Variants in MYCBP2 observed in about 807,000 individuals in gnomAD.
The protein encoded by MYCBP2 is MYC binding protein 2.
A neutral mutation model predicts 525.3 loss-of-function variants in MYCBP2; 120 were observed. That is an observed-to-expected ratio of 0.23 (90% confidence interval 0.20 to 0.27). The LOEUF (loss-of-function observed/expected upper bound fraction) is 0.27, where lower values mean the gene tolerates loss of function less well. Among genes scored for constraint, MYCBP2 ranks in the 10% least tolerant of loss-of-function variants. MYCBP2 has a pLI of 1.00. For synonymous variants in MYCBP2, 1,894 were observed against 1,955.8 expected, an observed-to-expected ratio of 0.97 and a Z score of 0.83; for missense variants, 4,149 against 5,657.1, an observed-to-expected ratio of 0.73 and a Z score of 8.55.
chr13:77,082,128 G>A, intron 63 of MYCBP2, 135 bp from the exon 64 acceptor site: 4 of 743,560 alleles, frequency 5.4e-6, no homozygotes, highest in East Asian at 2.9e-5. Flanking sequence ...TAAAAATTCA[G>A]GGAAGAAAAT....
rs572287484 is a variant in MYCBP2 at position 77,312,235 on chromosome 13, G to C, written c.302+14239C>G. On this transcript the variant is annotated intron_variant, in intron 1 of 82. Transcript: ENST00000544440. Reference sequence around the variant, plus strand: ...CCCAGCAGACTGATCTGCTAGAAAAGCTAAGGTCAACATTAGGCTGAAAGG... The same window carrying C: ...CCCAGCAGACTGATCTGCTAGAAAACCTAAGGTCAACATTAGGCTGAAAGG... Among the ~76,000 whole-genome samples the C allele has an allele frequency of 2.0e-5, 3 of 152,192 alleles. No individual in the cohort carries two copies. In the East Asian group the frequency reaches 5.8e-4, roughly 29 times the overall value.
Position 77,168,604 on chromosome 13 carries a change from A to G in MYCBP2, c.5938T>C (p.Ser1980Pro), listed in dbSNP as rs1479675213. Reference sequence around the variant, plus strand: ...TACTTCTGATTCAAAATGGCAACTGACGGAAGCAATTGTTGGACAAGGCCA... The same window carrying G: ...TACTTCTGATTCAAAATGGCAACTGGCGGAAGCAATTGTTGGACAAGGCCA... ...VFGLVQQLLP[S>P]VAILNQKYAP... The change falls in exon 40 of 83, where the codon TCA becomes CCA. Residue 1980 changes from serine (S) to proline (P), a missense_variant. By Grantham distance (74) the Ser-to-Pro change is moderately conservative (BLOSUM62 -1). Transcript: ENST00000544440. 1 of 1,614,078 alleles carries G rather than the reference A, an allele frequency of 6.2e-7. No homozygotes were observed. The highest frequency in any genetic ancestry group is 8.5e-7 in the Non-Finnish European group (1 of 1,180,040).
intron 63 of MYCBP2, 91 bp from the exon 64 acceptor site, chr13:77,082,084 T>G: frequency 9.2e-7 from 1 of 1,091,164 alleles, no homozygotes; most frequent in Non-Finnish European, 1.3e-6. Flanking sequence ...AGCTAATATC[T>G]CAAGAAATTT....
At chr13:77,166,100 A>G (rs2058491071) in intron 41 of MYCBP2, among the ~76,000 whole-genome samples, 1 of 152,188 alleles carries the variant, frequency 6.6e-6, no homozygotes, top group South Asian at 2.1e-4. Context: ...TGCTCAAGCT[A>G]ATCTTTTTTT....
intron 55 of MYCBP2, among the ~76,000 whole-genome samples, chr13:77,109,049 C>T (rs1434359511): frequency 1.3e-5 from 2 of 152,156 alleles, no homozygotes; most frequent in Non-Finnish European, 2.9e-5. Flanking sequence ...CAGGTACCAG[C>T]AACTCACTGC....
Position 77,257,844 on chromosome 13 carries a change from C to G in MYCBP2, c.2018-15G>C, listed in dbSNP as rs1457494979. On this transcript the variant is annotated splice_polypyrimidine_tract_variant and intron_variant, in intron 13 of 82. Coordinates refer to ENST00000544440, the MANE Select transcript of MYCBP2 (RefSeq NM_015057.5). ...AGTTACCAAACCTATAGGAAAGAAA[C>G]AAATTTAGTAAAAACAACAAAAAGG... 6.3e-7 allele frequency: 1 copy of G among 1,590,018 alleles called. No individual in the cohort carries two copies. The highest frequency in any genetic ancestry group is 2.2e-5 in the East Asian group (1 of 44,502).
intron 3 of MYCBP2, among the ~76,000 whole-genome samples, chr13:77,284,537 A>G (rs1036781920): frequency 6.6e-6 from 1 of 152,158 alleles, no homozygotes; most frequent in Non-Finnish European, 1.5e-5. Context: ...CACCCATAGT[A>G]TCTGCTTGCC....
intron 2 of MYCBP2, among the ~76,000 whole-genome samples, chr13:77,294,126 A>ATATATATATATATATG: frequency 4.5e-5 from 3 of 67,298 alleles, no homozygotes; most frequent in Admixed American, 2.2e-4. Flanking sequence ...ATATATATAT[A>ATATATATATATATATG]TATACATATA....
intron 1 of MYCBP2, among the ~76,000 whole-genome samples, chr13:77,315,684 C>T (rs1457348856): frequency 1.3e-5 from 2 of 152,068 alleles, no homozygotes; most frequent in African/African-American, 4.8e-5. Context: ...CACCTGAGGT[C>T]AGCAGTTCAA....
intron 70 of MYCBP2, 110 bp downstream of exon 70, chr13:77,068,455 C>T (rs956450088): frequency 1.2e-5 from 16 of 1,303,184 alleles, no homozygotes; most frequent in African/African-American, 1.6e-5. Flanking sequence ...TAACAAAATA[C>T]GAAATAAAAA....
At position 77,066,077 on chromosome 13, in the gene MYCBP2, C is replaced by A. The variant is rs144934192; in HGVS notation, c.12467G>T (p.Arg4156Leu). ...CTTCATCCACCAATGACTTTCACCT[C>A]GTCGGAGATAACTACAAGAAAAATT... ...PMIFNSSYLR[R>L]GESHWWMKGS... Residue 4156 changes from arginine (R) to leucine (L), a missense_variant, in exon 72 of 83, where the codon CGA becomes CTA. Arg to Leu is a moderately radical substitution (Grantham distance 102). Transcript: ENST00000544440. The A allele has an allele frequency of 6.2e-7, 1 of 1,611,206 alleles. No homozygotes were observed.
At chr13:77,111,834 G>C (rs1005559975) in intron 55 of MYCBP2, among the ~76,000 whole-genome samples, 1 of 151,742 alleles carries the variant, frequency 6.6e-6, no homozygotes, top group Non-Finnish European at 1.5e-5. Flanking sequence ...TTAAAATTCT[G>C]CAGAACAATT....
In MYCBP2 at chr13:77,166,343, A is replaced by T. The variant is rs751809739; in HGVS notation, c.6326T>A (p.Val2109Asp). ...FSGSSGWPTM[V>D]LVLPGNEALF... ...AAAAAACTTACCTGGCAACACCAAA[A>T]CCATAGTAGGCCACCCAGAGGATCC... is the stretch of plus-strand genomic sequence containing the variant. Residue 2109 changes from valine (V) to aspartate (D), a missense_variant, in exon 41 of 83, where the codon GTT becomes GAT. By Grantham distance (152) the Val-to-Asp change is radical (BLOSUM62 -3). This residue lies in a region of MYCBP2 where 692 missense variants were observed against 852.7 expected (regional missense o/e 0.81). Transcript: ENST00000544440. 6.2e-7 allele frequency: 1 copy of T among 1,606,838 alleles called. No individual in the cohort carries two copies. The highest frequency in any genetic ancestry group is 2.2e-5 in the East Asian group (1 of 44,818).
chr13:77,114,314 G>C (rs1190274429), intron 55 of MYCBP2, among the ~76,000 whole-genome samples: 1 of 152,032 alleles, frequency 6.6e-6, no homozygotes, highest in African/African-American at 2.4e-5. Flanking sequence ...CAAAGCATGA[G>C]AGGTATTAAG....
At chr13:77,114,981 A>T (rs1014053889) in intron 55 of MYCBP2, among the ~76,000 whole-genome samples, 1 of 152,032 alleles carries the variant, frequency 6.6e-6, no homozygotes, top group Non-Finnish European at 1.5e-5. Context: ...GAATTCAATC[A>T]GTATAAACCC....
chr13:77,098,903 T>A lies in MYCBP2; in HGVS notation c.8251A>T (p.Thr2751Ser). The A allele has an allele frequency of 6.2e-7, 1 of 1,613,716 alleles. No homozygotes were observed. Among genetic ancestry groups the A allele is most frequent in the Non-Finnish European group, 8.5e-7 (1 of 1,179,746 alleles). Residue 2751 changes from threonine (T) to serine (S), a missense_variant, in exon 56 of 83, where the codon ACT becomes TCT. Thr to Ser is a moderately conservative substitution (Grantham distance 58, BLOSUM62 1). This residue lies in a region of MYCBP2 where 653 missense variants were observed against 744.7 expected (regional missense o/e 0.88). Transcript: ENST00000544440. ...SLKPDGRMSRTTADQKKPRGT... is the reference protein window; with the variant it reads ...SLKPDGRMSRSTADQKKPRGT... ...CTTGGCTTCTTCTGATCAGCAGTAG[T>A]CCGGCTCATACGTCCATCAGGTTTA...
chr13:77,068,867 G>A, intron 69 of MYCBP2, 36 bp from the exon 70 acceptor site: 1 of 1,594,286 alleles, frequency 6.3e-7, no homozygotes, highest in Non-Finnish European at 8.5e-7. Flanking sequence ...TAAAAATATA[G>A]GGTTAGTTTG....
chr13:77,269,408 G>C (rs1184923505), intron 7 of MYCBP2, among the ~76,000 whole-genome samples: 8 of 152,150 alleles, frequency 5.3e-5, no homozygotes, highest in Admixed American at 5.2e-4. Flanking sequence ...GGCCCAGGCG[G>C]GTGGCTCACT....
chr13:77,156,672 C>T (rs2057248188), intron 45 of MYCBP2, among the ~76,000 whole-genome samples: 1 of 152,116 alleles, frequency 6.6e-6, no homozygotes, highest in South Asian at 2.1e-4. Flanking sequence ...GGTGTACTGC[C>T]CATCTTTTTT....
Sources: gnomAD v4.1 joint callset for allele counts (sites outside exome capture counted in the v4.1 genomes callset) on GRCh38, gnomAD v4.1.1 for gene constraint, gnomAD v4.1.1 regional missense constraint, MANE v1.5 for transcripts, NCBI Gene and HGNC (gene_info 2026-07-23, HGNC 2026-07-21) for gene names.